RBPJL: variants seen among roughly 807,000 people sequenced by gnomAD.
RBPJL encodes the protein recombining binding protein suppressor of hairless-like protein.
RBPJL carries 50 observed loss-of-function variants against 57.6 expected under a neutral mutation model. The observed-to-expected ratio is 0.87, with a 90% CI of 0.69 to 1.10. The LOEUF is 1.10. Among genes scored for constraint, RBPJL ranks in the 50% least tolerant of loss-of-function variants. The pLI, the probability that RBPJL is intolerant of heterozygous loss-of-function variation, is 0.00. For synonymous variants in RBPJL, 303 were observed against 294.4 expected, an observed-to-expected ratio of 1.03 and a Z score of -0.30; for missense variants, 684 against 693.7, an observed-to-expected ratio of 0.99 and a Z score of 0.16.
chr20:45,312,303 G>A lies in RBPJL; in HGVS notation c.527G>A (p.Arg176His). Residue 176 changes from arginine to histidine, a missense_variant, in exon 6 of 12, where the codon CGC (arginine) becomes CAC (histidine). Physicochemically the swap from Arg to His is conservative, Grantham distance 29. Transcript: ENST00000343694. ...HFRLVLRLVLRGGRELGTFHS... is the reference protein window; with the variant it reads ...HFRLVLRLVLHGGRELGTFHS... ...CGGCTGGTGCTGCGGCTGGTGCTGC[G>A]CGGGGGCCGGGAGCTGGGTACCTTC... The A allele has an allele frequency of 1.9e-6, 3 of 1,614,122 alleles. No homozygotes were observed. The highest frequency in any genetic ancestry group is 2.5e-6 in the Non-Finnish European group (3 of 1,179,988).
intron 3 of RBPJL, among the ~76,000 whole-genome samples, chr20:45,310,381 C>T (rs916472029): frequency 9.2e-5 from 14 of 152,070 alleles, no homozygotes; most frequent in South Asian, 2.1e-4. Context: ...CCGAGGCGGG[C>T]GGATCACCTG....
At chr20:45,310,088 C>G (rs549753798) in intron 3 of RBPJL, among the ~76,000 whole-genome samples, 5 of 152,190 alleles carry the variant, frequency 3.3e-5, no homozygotes, top group Non-Finnish European at 7.3e-5. Flanking sequence ...AAGAGACAGA[C>G]AGTAAACTCC....
rs201694042 is a variant in RBPJL, at chr20:45,316,776, G to A, written c.1371G>A (p.Met457Ile). The change falls in exon 12 of 12, where the codon ATG becomes ATA. Residue 457 changes from methionine to isoleucine, a missense_variant. By Grantham distance (10) the Met-to-Ile change is conservative. Transcript: ENST00000343694. The part of the protein sequence containing the change: ...RWLRAPITIP[M>I]SLVRADGLFY... ...TGCGCGCTCCCATCACAATCCCCATGAGCCTGGTGCGCGCCGACGGGCTCT... is the reference window on the plus strand; with the variant it reads ...TGCGCGCTCCCATCACAATCCCCATAAGCCTGGTGCGCGCCGACGGGCTCT... 1.5e-5 allele frequency: 25 copies of A among 1,613,894 alleles called. No homozygotes were observed. The South Asian group carries it at 1.9e-4, about 12-fold the overall frequency.
rs1483407142 is a variant in RBPJL at position 45,312,526 on chromosome 20, C to G, written c.619+131C>G. ...AGAGTGGAAAAGGTGGAGTCGGAGC[C>G]GAGAGGGGAAGGAGTCTGGATGAGT... On this transcript the variant is annotated intron_variant, in intron 6 of 11. Transcript: ENST00000343694. 15 of 895,630 alleles carry G rather than the reference C, an allele frequency of 1.7e-5. No homozygotes were observed. In the East Asian group the frequency reaches 4.0e-4, roughly 24 times the overall value. 55.5% of individuals were successfully genotyped at this position (895,630 alleles called of 1,614,324 possible).
At position 45,312,148 on chromosome 20, in the gene RBPJL, T is replaced by G. The variant is rs943774338; in HGVS notation, c.445-73T>G. 8.7e-6 allele frequency: 14 copies of G among 1,605,026 alleles called. No homozygotes were observed. In the African/African-American group the frequency reaches 1.5e-4, roughly 17 times the overall value. Reference sequence around the variant, plus strand: ...CACCTCCGACGGGGCGGACGTCCGATATCTGGGAGAGGTTGGTTCATCCGA... The same window carrying G: ...CACCTCCGACGGGGCGGACGTCCGAGATCTGGGAGAGGTTGGTTCATCCGA... On this transcript the variant is annotated intron_variant, in intron 5 of 11. Transcript: ENST00000343694.
chr20:45,311,310 A>G (rs962390992), intron 3 of RBPJL, among the ~76,000 whole-genome samples: 2 of 152,130 alleles, frequency 1.3e-5, no homozygotes, highest in African/African-American at 2.4e-5. Flanking sequence ...GCAAAAAGTA[A>G]TGGCGGCTGG....
Position 45,314,089 on chromosome 20 carries a change from A to G in RBPJL, c.812A>G (p.Tyr271Cys), listed in dbSNP as rs770731391. The G allele has an allele frequency of 2.1e-5, 34 of 1,614,092 alleles. No homozygotes were observed. The highest frequency in any genetic ancestry group is 2.8e-5 in the Non-Finnish European group (33 of 1,180,044). Residue 271 changes from tyrosine (Y) to cysteine (C), a missense_variant, in exon 8 of 12, where the codon TAT (tyrosine) becomes TGT (cysteine). Coordinates refer to ENST00000343694, the MANE Select transcript of RBPJL (RefSeq NM_014276.4). The stretch of plus-strand genomic sequence containing the variant: ...CCACCGCGAGAGGGCTACGTTCGCT[A>G]TGGCTCCCTGGTGCAGCTCGTCTGC... ...DFPPREGYVR[Y>C]GSLVQLVCTV...
rs1251418804 is a variant in RBPJL at position 45,314,551 on chromosome 20, G to T, written c.1006G>T (p.Val336Leu). The T allele has an allele frequency of 1.1e-5, 17 of 1,613,162 alleles. No homozygotes were observed. Among genetic ancestry groups the T allele is most frequent in the Non-Finnish European group, 1.4e-5 (17 of 1,179,390 alleles). The part of the protein sequence containing the change: ...GTYLCLATEK[V>L]VQFQASPCPK... Reference sequence around the variant, plus strand: ...CTACTTATGCCTTGCCACAGAGAAGGTGGTGCAATTTCAGGTAAGAAGCAG... The same window carrying T: ...CTACTTATGCCTTGCCACAGAGAAGTTGGTGCAATTTCAGGTAAGAAGCAG... Residue 336 changes from valine to leucine, a missense_variant, in exon 9 of 12, where the codon GTG (valine) becomes TTG (leucine). Transcript: ENST00000343694.
intron 7 of RBPJL, 99 bp from the exon 8 acceptor site, chr20:45,313,936 T>A: frequency 1.2e-6 from 1 of 861,608 alleles, no homozygotes; most frequent in South Asian, 1.5e-5. Context: ...GCAGGGCCCA[T>A]GTGTGATGTG....
chr20:45,311,953 G>A lies in RBPJL; in HGVS notation c.443G>A (p.Arg148Lys). The A allele has an allele frequency of 6.5e-7, 1 of 1,549,412 alleles. No homozygotes were observed. The highest frequency in any genetic ancestry group is 8.7e-7 in the Non-Finnish European group (1 of 1,145,236). ...AATTTCGAGCAGCAGCCGGACTCCA[G>A]GGTGAGAGCGCACGGGAAGGGGTCC... ...KLNFEQQPDS[R>K]EFGCAKTLYI... The change falls in exon 5 of 12, where the codon AGG (arginine) becomes AAG (lysine). Residue 148 changes from arginine (R) to lysine (K), a missense_variant and splice_region_variant. Coordinates refer to ENST00000343694, the MANE Select transcript of RBPJL (RefSeq NM_014276.4).
intron 2 of RBPJL, chr20:45,308,467 A>AGCT: frequency 1.8e-6 from 1 of 565,756 alleles, no homozygotes; most frequent in Non-Finnish European, 3.2e-6. Context: ...AGACAGGGCT[A>AGCT]GCTGCGGGCC....
intron 9 of RBPJL, chr20:45,315,821 GAAA>G (rs1987428336): frequency 6.9e-6 from 1 of 144,140 alleles, no homozygotes; most frequent in East Asian, 1.5e-4. Context: ...AAGAAAGAAA[GAAA>G]AGAAAGAGAA....
Position 45,316,674 on chromosome 20 carries a change from C to T in RBPJL, c.1281-12C>T, listed in dbSNP as rs373072642. ...AGTCGCCGCAGCCCTCACCCTGGTG[C>T]TCCACCCCCAGGAGCCCGCGGTCCC... On this transcript the variant is annotated splice_polypyrimidine_tract_variant and intron_variant, in intron 11 of 11. Coordinates refer to ENST00000343694, the MANE Select transcript of RBPJL (RefSeq NM_014276.4). 7.6e-6 allele frequency: 12 copies of T among 1,579,656 alleles called. No homozygotes were observed. The highest frequency in any genetic ancestry group is 1.3e-5 in the African/African-American group (1 of 74,074).
rs905344080 is a variant in RBPJL, at chr20:45,317,163, A to AGTG, written c.*208_*210dup. 3 of 605,554 alleles carry AGTG rather than the reference A, an allele frequency of 5.0e-6. No homozygotes were observed. The African/African-American group carries it at 5.6e-5, about 11-fold the overall frequency. 37.5% of individuals were successfully genotyped at this position (605,554 alleles called of 1,614,324 possible). A position where few individuals can be genotyped will look rare whatever the true frequency, so the allele number is the denominator to read the frequency against. ...TACACATACAGGAAGACAAGACCTG[A>AGTG]GTGGTGCTGTCTTTGTGTCCGTCGT... On this transcript the variant is annotated 3_prime_UTR_variant, in exon 12 of 12. Coordinates refer to ENST00000343694, the MANE Select transcript of RBPJL (RefSeq NM_014276.4).
rs1600712993 is a variant in RBPJL at position 45,309,833 on chromosome 20, C to T, written c.257+141C>T. On this transcript the variant is annotated intron_variant, in intron 3 of 11. Transcript: ENST00000343694. ...GCTATTGGTCGACCAGGGCCTTGACCCTCAGCCACCATTAGCCCCCACTTT... is the reference window on the plus strand; with the variant it reads ...GCTATTGGTCGACCAGGGCCTTGACTCTCAGCCACCATTAGCCCCCACTTT... The T allele has an allele frequency of 4.0e-5, 42 of 1,052,196 alleles. No individual in the cohort carries two copies. In the East Asian group the frequency reaches 1.2e-3, roughly 31 times the overall value. 65.2% of individuals were successfully genotyped at this position (1,052,196 alleles called of 1,614,324 possible).
chr20:45,309,717 A>G, intron 3 of RBPJL, 25 bp downstream of exon 3: 5 of 1,612,558 alleles, frequency 3.1e-6, no homozygotes, highest in Non-Finnish European at 4.2e-6. Context: ...AGCCCCTCCC[A>G]GGTCTCTGCA....
At chr20:45,313,377 T>G in intron 6 of RBPJL, 91 bp from the exon 7 acceptor site, 1 of 1,069,962 alleles carries the variant, frequency 9.3e-7, no homozygotes. Flanking sequence ...ACCCTCACCC[T>G]AACCCTAACC....
rs777289997 is a variant in RBPJL, at chr20:45,314,129, C to G, written c.852C>G (p.Ile284Met). ...LVQLVCTVTG[I>M]TLPPMIIRKV... Reference sequence around the variant, plus strand: ...AGCTCGTCTGCACGGTCACCGGCATCACACTACCTCCCATGGTATAGGAAG... The same window carrying G: ...AGCTCGTCTGCACGGTCACCGGCATGACACTACCTCCCATGGTATAGGAAG... Residue 284 changes from isoleucine (I) to methionine (M), a missense_variant, in exon 8 of 12, where the codon ATC becomes ATG. Coordinates refer to ENST00000343694, the MANE Select transcript of RBPJL (RefSeq NM_014276.4). The G allele has an allele frequency of 1.5e-5, 25 of 1,613,512 alleles. No individual in the cohort carries two copies. In the African/African-American group the frequency reaches 3.1e-4, roughly 20 times the overall value.
intron 6 of RBPJL, among the ~76,000 whole-genome samples, chr20:45,312,941 G>A (rs747690584): frequency 1.3e-5 from 2 of 151,580 alleles, no homozygotes; most frequent in Non-Finnish European, 2.9e-5. Flanking sequence ...CCAAGAGGTC[G>A]AGGCTGCAGT....
Sources: allele counts gnomAD v4.1 joint callset (sites outside exome capture counted in the v4.1 genomes callset), GRCh38; gene constraint gnomAD v4.1.1; transcripts MANE v1.5; gene names NCBI Gene and HGNC (gene_info 2026-07-23, HGNC 2026-07-21).